Variants in LRIT3 observed in about 807,000 individuals in gnomAD.
LRIT3 encodes leucine rich repeat, Ig-like and transmembrane domains 3, also known as leucine-rich repeat, immunoglobulin-like domain and transmembrane domain-containing protein 3.
Under a neutral mutation model 22.6 loss-of-function variants are expected in LRIT3, and 14 were observed. That is an observed-to-expected ratio of 0.62 (90% confidence interval 0.41 to 0.97). The LOEUF is 0.97. LRIT3 is among the 50% of genes least tolerant of loss of function. LRIT3 has a pLI of 0.00. For missense variants in LRIT3, 783 were observed against 803.0 expected (o/e 0.98, Z 0.30); for synonymous variants, 306 against 304.5 (o/e 1.01, Z -0.05).
At chr4:109,867,117 C>CTATAATACT (rs1734700958) in intron 2 of LRIT3, among the ~76,000 whole-genome samples, 1 of 152,042 alleles carries the variant, frequency 6.6e-6, no homozygotes, top group African/African-American at 2.4e-5. Flanking sequence ...TCTGAGCACC[C>CTATAATACT]TATAATACTT....
At chr4:109,853,768 G>A (rs1442846805) in intron 2 of LRIT3, among the ~76,000 whole-genome samples, 1 of 151,182 alleles carries the variant, frequency 6.6e-6, no homozygotes, top group East Asian at 1.9e-4. Context: ...AGTTAATAAG[G>A]TGTAAGGAAA....
At chr4:109,869,006 G>A (rs778740622) in intron 3 of LRIT3, among the ~76,000 whole-genome samples, 7 of 152,058 alleles carry the variant, frequency 4.6e-5, no homozygotes, top group Non-Finnish European at 8.8e-5. Flanking sequence ...GTTTAGGATA[G>A]CAAAATTCTG....
At chr4:109,858,817 G>A in intron 2 of LRIT3, among the ~76,000 whole-genome samples, 1 of 151,998 alleles carries the variant, frequency 6.6e-6, no homozygotes, top group East Asian at 1.9e-4. Flanking sequence ...TGGCCTTGTG[G>A]GTTATAAGGA....
intron 2 of LRIT3, among the ~76,000 whole-genome samples, chr4:109,852,940 G>C (rs1734309459): frequency 6.6e-6 from 1 of 152,150 alleles, no homozygotes; most frequent in South Asian, 2.1e-4. Context: ...TGGCTGCATA[G>C]TATTCCATGG....
chr4:109,855,626 G>C (rs1455563281), intron 2 of LRIT3, among the ~76,000 whole-genome samples: 1 of 152,082 alleles, frequency 6.6e-6, no homozygotes, highest in East Asian at 1.9e-4. Context: ...TTTTAATTGT[G>C]ATGTTAGGGT....
intron 1 of LRIT3, among the ~76,000 whole-genome samples, chr4:109,849,903 G>A (rs1238598705): frequency 6.6e-6 from 1 of 152,178 alleles, no homozygotes; most frequent in Non-Finnish European, 1.5e-5. Context: ...GTGAGCCACC[G>A]CACCCGGCCA....
In LRIT3 at chr4:109,867,793, T is replaced by C; in HGVS notation, c.742T>C (p.Leu248=). The C allele has an allele frequency of 6.2e-7, 1 of 1,614,182 alleles. No individual in the cohort carries two copies. Among genetic ancestry groups the C allele is most frequent in the South Asian group, 1.1e-5 (1 of 91,082 alleles). The change falls in exon 3 of 4, where the codon TTG becomes CTG. Residue 248 remains leucine (L), a synonymous_variant. Coordinates refer to ENST00000594814, the MANE Select transcript of LRIT3 (RefSeq NM_198506.5). ...LTGILFQRAE[L]EHCLKPSVMT... ...AGGAATTTTGTTTCAGCGGGCTGAA[T>C]TGGAGCATTGTCTGAAACCATCAGT...
intron 2 of LRIT3, among the ~76,000 whole-genome samples, chr4:109,866,080 T>A (rs1467114365): frequency 2.0e-5 from 3 of 152,302 alleles, no homozygotes; most frequent in South Asian, 4.1e-4. Context: ...AAAAGTAAAC[T>A]TTTACCAATC....
chr4:109,852,024 G>A, intron 2 of LRIT3, 48 bp downstream of exon 2: 3 of 1,448,670 alleles, frequency 2.1e-6, no homozygotes, highest in Admixed American at 2.8e-5. Context: ...ACTTTGCTAT[G>A]CATAGCTTTT....
chr4:109,848,197 G>A lies in LRIT3; in HGVS notation c.-5G>A. On this transcript the variant is annotated 5_prime_UTR_variant, in exon 1 of 4. Transcript: ENST00000594814. ...CTTTTGTTTAAATAACCTCTAAAAGGAGCAATGCATCTCTTTGCATGTCTG... is the reference window on the plus strand; with the variant it reads ...CTTTTGTTTAAATAACCTCTAAAAGAAGCAATGCATCTCTTTGCATGTCTG... 8.2e-7 allele frequency: 1 copy of A among 1,225,732 alleles called. No homozygotes were observed. The allele number at this position is 1,225,732 out of a possible 1,614,324, so 75.9% of individuals were successfully genotyped here.
chr4:109,865,407 T>G (rs1734652891), intron 2 of LRIT3: 1 of 1,038,972 alleles, frequency 9.6e-7, no homozygotes, highest in Non-Finnish European at 1.4e-6. Flanking sequence ...GTGAAATGGG[T>G]TTTTGAATGT....
intron 2 of LRIT3, among the ~76,000 whole-genome samples, chr4:109,855,152 G>A (rs1734370887): frequency 6.6e-6 from 1 of 152,082 alleles, no homozygotes. Context: ...GAATTCAGCT[G>A]TGAATCCATC....
At position 109,872,173 on chromosome 4, in the gene LRIT3, C is replaced by T. The variant is rs1253858891; in HGVS notation, c.*1384C>T. ...ATGTATAAGAAATGGGAAAGATCTCCCAAACTCTGAGAACGGTCCTCAAAT... is the reference window on the plus strand; with the variant it reads ...ATGTATAAGAAATGGGAAAGATCTCTCAAACTCTGAGAACGGTCCTCAAAT... On this transcript the variant is annotated 3_prime_UTR_variant, in exon 4 of 4. Coordinates refer to ENST00000594814, the MANE Select transcript of LRIT3 (RefSeq NM_198506.5). 6.6e-6 allele frequency: 1 copy of T among 152,100 alleles called. No individual in the cohort carries two copies. Among genetic ancestry groups the T allele is most frequent in the Non-Finnish European group, 1.5e-5 (1 of 68,044 alleles). The allele number at this position is 152,100 out of a possible 1,614,324, so 9.4% of individuals were successfully genotyped here.
At chr4:109,855,733 T>A (rs185269661) in intron 2 of LRIT3, among the ~76,000 whole-genome samples, 2 of 152,338 alleles carry the variant, frequency 1.3e-5, no homozygotes, top group Admixed American at 1.3e-4. Flanking sequence ...GATTCTGGTA[T>A]GTTCTGTCTT....
At chr4:109,853,413 C>T (rs1734320589) in intron 2 of LRIT3, among the ~76,000 whole-genome samples, 1 of 152,096 alleles carries the variant, frequency 6.6e-6, no homozygotes, top group African/African-American at 2.4e-5. Context: ...TATCCTCTGC[C>T]CACTTTTTGA....
intron 2 of LRIT3, among the ~76,000 whole-genome samples, chr4:109,860,860 C>T (rs1734519186): frequency 6.6e-6 from 1 of 152,212 alleles, no homozygotes; most frequent in African/African-American, 2.4e-5. Context: ...CATGCTGTCG[C>T]ATGTATTGGT....
chr4:109,853,396 C>A (rs1158394665), intron 2 of LRIT3, among the ~76,000 whole-genome samples: 1 of 152,124 alleles, frequency 6.6e-6, no homozygotes, highest in Non-Finnish European at 1.5e-5. Flanking sequence ...TGAGAAGTGT[C>A]TGTTCATATC....
In LRIT3 at chr4:109,870,733, G is replaced by T. The variant is rs1191561697; in HGVS notation, c.1984G>T (p.Val662Leu). 1.2e-6 allele frequency: 2 copies of T among 1,613,436 alleles called. No individual in the cohort carries two copies. Among genetic ancestry groups the T allele is most frequent in the Admixed American group, 1.7e-5 (1 of 59,912 alleles). The change falls in exon 4 of 4, where the codon GTG (valine) becomes TTG (leucine). Residue 662 changes from valine (V) to leucine (L), a missense_variant. Val to Leu is a conservative substitution (Grantham distance 32). Transcript: ENST00000594814. ...EKLLLCSRSS[V>L]ESQVTFKSEG... ...ATTGCTGCTTTGTTCTAGGTCAAGTGTGGAATCTCAGGTGACTTTTAAAAG... is the reference window on the plus strand; with the variant it reads ...ATTGCTGCTTTGTTCTAGGTCAAGTTTGGAATCTCAGGTGACTTTTAAAAG...
At chr4:109,865,646 A>G (rs1734658176) in intron 2 of LRIT3, among the ~76,000 whole-genome samples, 1 of 152,206 alleles carries the variant, frequency 6.6e-6, no homozygotes, top group Non-Finnish European at 1.5e-5. Context: ...TTTACAAAAG[A>G]TTTTAAGTAC....
Sources: allele counts gnomAD v4.1 joint callset (sites outside exome capture counted in the v4.1 genomes callset), GRCh38; gene constraint gnomAD v4.1.1; transcripts MANE v1.5; gene names NCBI Gene and HGNC (gene_info 2026-07-23, HGNC 2026-07-21).